Variants in IL1RL2 observed in about 807,000 individuals in gnomAD.
The protein encoded by IL1RL2 is interleukin-1 receptor-like 2.
IL1RL2 carries 68 observed loss-of-function variants against 66.8 expected under a neutral mutation model. That is an observed-to-expected ratio of 1.02 (90% CI 0.84 to 1.25). The LOEUF (loss-of-function observed/expected upper bound fraction) is 1.25. IL1RL2 is among the 50% of genes most tolerant of loss of function. The probability of loss-of-function intolerance (pLI) is 0.00; values close to 1 mark genes in which losing one functional copy is unlikely to be tolerated. For missense variants in IL1RL2, 729 were observed against 709.3 expected, an observed-to-expected ratio of 1.03 and a Z score of -0.32; for synonymous variants, 305 against 264.6, an observed-to-expected ratio of 1.15 and a Z score of -1.48.
At position 102,188,230 on chromosome 2, in the gene IL1RL2, G is replaced by A. The variant is rs961482012; in HGVS notation, c.58+305G>A. Among the ~76,000 whole-genome samples, 11 of 152,168 alleles carry A rather than the reference G, an allele frequency of 7.2e-5. No individual in the cohort carries two copies. In the East Asian group the frequency reaches 9.6e-4, roughly 13 times the overall value. On this transcript the variant is annotated intron_variant, in intron 2 of 11. Transcript: ENST00000264257. Reference sequence around the variant, plus strand: ...ACTACAGGCTATTTTATAAGATAAAGCGTTATTTTATGACACAAGGTGAAA... The same window carrying A: ...ACTACAGGCTATTTTATAAGATAAAACGTTATTTTATGACACAAGGTGAAA...
At chr2:102,204,394 A>T (rs1688526075) in intron 5 of IL1RL2, among the ~76,000 whole-genome samples, 1 of 152,022 alleles carries the variant, frequency 6.6e-6, no homozygotes, top group East Asian at 1.9e-4. Flanking sequence ...GATCTATTAG[A>T]TCCATTTGGT....
At chr2:102,213,106 C>T (rs1010786232) in intron 6 of IL1RL2, among the ~76,000 whole-genome samples, 1 of 152,058 alleles carries the variant, frequency 6.6e-6, no homozygotes. Context: ...GTGTATCAAA[C>T]TATATAATGC....
chr2:102,214,995 C>T (rs753805126), intron 6 of IL1RL2, among the ~76,000 whole-genome samples: 1 of 152,176 alleles, frequency 6.6e-6, no homozygotes, highest in Non-Finnish European at 1.5e-5. Flanking sequence ...GAGGAAATCA[C>T]CCTTTCTCTG....
intron 3 of IL1RL2, among the ~76,000 whole-genome samples, chr2:102,189,927 C>G (rs1474724336): frequency 1.3e-5 from 2 of 152,208 alleles, no homozygotes; most frequent in African/African-American, 4.8e-5. Context: ...GCTGGGATTA[C>G]AGGCCTGAGC....
In IL1RL2 at chr2:102,201,918, TTC is replaced by T; in HGVS notation, c.649+205_649+206del. Among the ~76,000 whole-genome samples, 2 of 152,302 alleles carry T rather than the reference TTC, an allele frequency of 1.3e-5. 1 individual carries two copies. The highest frequency in any genetic ancestry group is 4.2e-4 in the South Asian group (2 of 4,818). ...AGGGCATGAGCAGCTTAGTTTCCTC[TTC>T]TGAACAACAGAACACTCAAAACTCT... On this transcript the variant is annotated intron_variant, in intron 5 of 11. Coordinates refer to ENST00000264257, the MANE Select transcript of IL1RL2 (RefSeq NM_003854.4).
intron 7 of IL1RL2, 98 bp from the exon 8 acceptor site, chr2:102,219,783 T>C: frequency 6.8e-6 from 8 of 1,182,554 alleles, no homozygotes; most frequent in South Asian, 3.0e-5. Context: ...TGGCCCAAAG[T>C]GTTCTCAAAG....
intron 6 of IL1RL2, among the ~76,000 whole-genome samples, chr2:102,217,913 G>A (rs1239380891): frequency 6.6e-6 from 1 of 152,070 alleles, no homozygotes; most frequent in Non-Finnish European, 1.5e-5. Flanking sequence ...GACAACAAAA[G>A]TTAAAATAGA....
At chr2:102,232,621 T>C (rs955754) in intron 9 of IL1RL2, among the ~76,000 whole-genome samples, 44,776 of 152,146 alleles carry the variant, frequency 0.29, 8,158 homozygotes, top group African/African-American at 0.49. Flanking sequence ...GGACGAGTCT[T>C]CTGCCTTTAA....
chr2:102,205,980 G>A (rs1272214046), intron 5 of IL1RL2, among the ~76,000 whole-genome samples: 1 of 151,724 alleles, frequency 6.6e-6, no homozygotes, highest in Non-Finnish European at 1.5e-5. Flanking sequence ...CTGTCTTCCA[G>A]CCTGCTAATT....
intron 11 of IL1RL2, among the ~76,000 whole-genome samples, chr2:102,236,249 G>A (rs1038733799): frequency 1.3e-5 from 2 of 152,230 alleles, no homozygotes; most frequent in Non-Finnish European, 2.9e-5. Context: ...CTGAGACTTA[G>A]TAAGCAGTCA....
chr2:102,231,699 G>A (rs1199406142), intron 9 of IL1RL2, among the ~76,000 whole-genome samples: 1 of 152,048 alleles, frequency 6.6e-6, no homozygotes, highest in African/African-American at 2.4e-5. Flanking sequence ...GTGAGGTCTT[G>A]TTCATCTCTT....
chr2:102,238,682 T>C (rs1283428439), intron 11 of IL1RL2, among the ~76,000 whole-genome samples: 2 of 152,222 alleles, frequency 1.3e-5, no homozygotes, highest in East Asian at 3.8e-4. Flanking sequence ...ACAGAGGCTG[T>C]TCCAGATGAG....
intron 4 of IL1RL2, among the ~76,000 whole-genome samples, chr2:102,195,888 T>G (rs1013048086): frequency 6.6e-6 from 1 of 151,606 alleles, no homozygotes; most frequent in African/African-American, 2.4e-5. Context: ...TAATTTTTGG[T>G]ATTTTTACTA....
intron 4 of IL1RL2, among the ~76,000 whole-genome samples, chr2:102,193,734 G>A (rs559722104): frequency 6.6e-6 from 1 of 152,150 alleles, no homozygotes; most frequent in African/African-American, 2.4e-5. Flanking sequence ...AGTTTGGTGG[G>A]TATAAAATGT....
chr2:102,206,046 T>C (rs1922299), intron 5 of IL1RL2, among the ~76,000 whole-genome samples: 68 of 151,992 alleles, frequency 4.5e-4, no homozygotes, highest in African/African-American at 1.4e-3. Context: ...TTCTTCAATA[T>C]GCCAATTGCA....
downstream of IL1RL2, among the ~76,000 whole-genome samples, chr2:102,242,413 G>A (rs1675252016): frequency 6.6e-6 from 1 of 152,136 alleles, no homozygotes; most frequent in African/African-American, 2.4e-5. Context: ...TGATCATGGA[G>A]GCTGAGAAGG....
chr2:102,200,089 G>A (rs369222367), intron 4 of IL1RL2, among the ~76,000 whole-genome samples: 1 of 147,606 alleles, frequency 6.8e-6, no homozygotes, highest in South Asian at 2.1e-4. Context: ...CTCAGGAAGT[G>A]GGCGACAGAG....
chr2:102,229,176 T>C (rs1264331296), intron 9 of IL1RL2, among the ~76,000 whole-genome samples: 1 of 152,216 alleles, frequency 6.6e-6, no homozygotes, highest in East Asian at 1.9e-4. Context: ...TTCATAGATA[T>C]GAATTTATGT....
intron 8 of IL1RL2, among the ~76,000 whole-genome samples, chr2:102,223,498 T>C (rs1191028231): frequency 6.6e-6 from 1 of 152,200 alleles, no homozygotes; most frequent in African/African-American, 2.4e-5. Context: ...ATCTAGTACA[T>C]CAACAGTGGG....
Sources: allele counts gnomAD v4.1 joint callset (sites outside exome capture counted in the v4.1 genomes callset), GRCh38; gene constraint gnomAD v4.1.1; transcripts MANE v1.5; gene names NCBI Gene and HGNC (gene_info 2026-07-23, HGNC 2026-07-21).